XPO5: variants seen among roughly 807,000 people sequenced by gnomAD.
XPO5 encodes the protein exportin-5.
XPO5 carries 46 observed loss-of-function variants against 160.6 expected under a neutral mutation model. The ratio of observed to expected loss-of-function variants is 0.29; its 90% confidence interval spans 0.23 to 0.37. XPO5 has a LOEUF of 0.37. Ranked by LOEUF, XPO5 falls within the 10% of genes least tolerant of loss-of-function variation. The pLI is 1.00. For synonymous variants in XPO5, 537 were observed against 519.3 expected (o/e 1.03, Z -0.46); for missense variants, 1,090 against 1,463.9 (o/e 0.74, Z 4.17).
chr6:43,567,132 G>A lies in XPO5; in HGVS notation c.834+37C>T, dbSNP rs78170909. ...TTAAACACATACACAGCCTACTTCA[G>A]AGACTGAGGATAAGTCAGTTTGAAG... On this transcript the variant is annotated intron_variant, in intron 7 of 31. Coordinates refer to ENST00000265351, the MANE Select transcript of XPO5 (RefSeq NM_020750.3). The A allele has an allele frequency of 0.038, 59,912 of 1,577,454 alleles. 1,605 individuals are homozygous for A. Among genetic ancestry groups the A allele is most frequent in the African/African-American group, 0.11 (8,249 of 74,004 alleles).
chr6:43,575,353 GGA>G (rs1376952307), intron 1 of XPO5, among the ~76,000 whole-genome samples: 1 of 152,284 alleles, frequency 6.6e-6, no homozygotes, highest in Non-Finnish European at 1.5e-5. Flanking sequence ...GTTTAGTGCA[GGA>G]GAGACCATAA....
intron 23 of XPO5, chr6:43,529,402 AAATT>A (rs1469949964): frequency 3.2e-5 from 12 of 369,552 alleles, no homozygotes; most frequent in Non-Finnish European, 5.6e-5. Flanking sequence ...AAAAAAAAAA[AAATT>A]AGTCGGGCAT....
At chr6:43,575,176 T>TA (rs1423811758) in intron 1 of XPO5, among the ~76,000 whole-genome samples, 1 of 152,128 alleles carries the variant, frequency 6.6e-6, no homozygotes, top group Non-Finnish European at 1.5e-5. Flanking sequence ...CAAAATAGCC[T>TA]AAAAATATTA....
In XPO5 at chr6:43,546,688, T is replaced by G; in HGVS notation, c.2225A>C (p.Glu742Ala). The G allele has an allele frequency of 6.2e-7, 1 of 1,613,386 alleles. No homozygotes were observed. Among genetic ancestry groups the G allele is most frequent in the Non-Finnish European group, 8.5e-7 (1 of 1,179,650 alleles). The change falls in exon 20 of 32, where the codon GAA becomes GCA. Residue 742 changes from glutamate (E) to alanine (A), a missense_variant. Transcript: ENST00000265351. Reference protein sequence around the residue: ...VKRTCWPTDLEEAKAGGFVVG... With the variant: ...VKRTCWPTDLAEAKAGGFVVG... ...CACAAATCCCCCAGCTTTGGCCTCTTCTAGGTCAGTGGGCCAGCAAGTTCG... is the reference window on the plus strand; with the variant it reads ...CACAAATCCCCCAGCTTTGGCCTCTGCTAGGTCAGTGGGCCAGCAAGTTCG...
chr6:43,545,476 G>A (rs1794918378), intron 20 of XPO5, among the ~76,000 whole-genome samples: 1 of 152,108 alleles, frequency 6.6e-6, no homozygotes, highest in Admixed American at 6.5e-5. Context: ...GGAGGCCGAG[G>A]TGGACTGATC....
In XPO5 at chr6:43,527,246, T is replaced by G. The variant is rs2127701358; in HGVS notation, c.2920+388A>C. 2 of 200,368 alleles carry G rather than the reference T, an allele frequency of 1.0e-5. 1 individual carries two copies. The highest frequency in any genetic ancestry group is 2.1e-5 in the Non-Finnish European group (2 of 96,748). 12.4% of individuals were successfully genotyped at this position (200,368 alleles called of 1,614,324 possible). A position where few individuals can be genotyped will look rare whatever the true frequency, so the allele number is the denominator to read the frequency against. On this transcript the variant is annotated intron_variant, in intron 26 of 31. Transcript: ENST00000265351. ...ACTGCCTTGCTTCTATCTAGTTATT[T>G]CTTTTGGATCTGTCAGTGTTGCTAC...
At chr6:43,543,852 T>C (rs926681813) in intron 20 of XPO5, among the ~76,000 whole-genome samples, 4 of 152,066 alleles carry the variant, frequency 2.6e-5, no homozygotes, top group Non-Finnish European at 5.9e-5. Flanking sequence ...AATTTTTGTA[T>C]TTTTAGTAGA....
rs11324075 is a variant in XPO5 at position 43,545,723 on chromosome 6, C to CA, written c.2342+847dup. Among the ~76,000 whole-genome samples, 311 of 147,602 alleles carry CA rather than the reference C, an allele frequency of 2.1e-3. 1 individual carries two copies. The highest frequency in any genetic ancestry group is 0.018 in the Middle Eastern group (5 of 284). On this transcript the variant is annotated intron_variant, in intron 20 of 31. Coordinates refer to ENST00000265351, the MANE Select transcript of XPO5 (RefSeq NM_020750.3). ...ACTCTGTCTCAAAAAAACAAACAAA[C>CA]AAAAAAAAAACCAATCCTGTGAGAT...
intron 8 of XPO5, among the ~76,000 whole-genome samples, chr6:43,564,826 A>G (rs902753690): frequency 4.6e-5 from 7 of 151,974 alleles, no homozygotes; most frequent in African/African-American, 1.7e-4. Context: ...GTTGGTCTCA[A>G]ACTCCTGACT....
intron 20 of XPO5, among the ~76,000 whole-genome samples, chr6:43,544,997 C>T (rs1237168735): frequency 1.3e-5 from 2 of 152,070 alleles, no homozygotes; most frequent in Non-Finnish European, 1.5e-5. Flanking sequence ...CTCAGCCTCT[C>T]GAGTAGCTGG....
chr6:43,554,266 C>T (rs578124399), intron 13 of XPO5, among the ~76,000 whole-genome samples: 36 of 151,860 alleles, frequency 2.4e-4, no homozygotes, highest in Middle Eastern at 3.4e-3. Flanking sequence ...CCACCATGCC[C>T]GGCTAATTTT....
At chr6:43,526,548 A>C in intron 27 of XPO5, 137 bp downstream of exon 27, 5 of 947,314 alleles carry the variant, frequency 5.3e-6, no homozygotes, top group Non-Finnish European at 8.2e-6. Flanking sequence ...GCACACAGCA[A>C]GAGGGCTGGT....
Position 43,565,709 on chromosome 6 carries a change from T to C in XPO5, c.862A>G (p.Met288Val), listed in dbSNP as rs760908776. ...ATGGCAACATCTCCAAATAAGACCA[T>C]CAAGGGCTTCCGGTCTTCCAACTTG... The part of the protein sequence containing the change: ...KGKLEDRKPL[M>V]VLFGDVAMHY... The change falls in exon 8 of 32, where the codon ATG (methionine) becomes GTG (valine). Residue 288 changes from methionine (M) to valine (V), a missense_variant. By Grantham distance (21) the Met-to-Val change is conservative. This residue lies in a region of XPO5 where 810 missense variants were observed against 1,139.0 expected (regional missense o/e 0.71). Coordinates refer to ENST00000265351, the MANE Select transcript of XPO5 (RefSeq NM_020750.3). 5.0e-6 allele frequency: 8 copies of C among 1,609,724 alleles called. No homozygotes were observed. Among genetic ancestry groups the C allele is most frequent in the East Asian group, 2.2e-5 (1 of 44,822 alleles).
chr6:43,575,659 G>T (rs372701151), intron 1 of XPO5, 101 bp downstream of exon 1: 1 of 1,083,070 alleles, frequency 9.2e-7, no homozygotes, highest in Non-Finnish European at 1.4e-6. Flanking sequence ...AGGTCCAGGG[G>T]CCGCGTGGGC....
At position 43,565,682 on chromosome 6, in the gene XPO5, G is replaced by C; in HGVS notation, c.889C>G (p.His297Asp). 1 of 1,609,546 alleles carries C rather than the reference G, an allele frequency of 6.2e-7. No homozygotes were observed. Among genetic ancestry groups the C allele is most frequent in the South Asian group, 1.1e-5 (1 of 89,788 alleles). Residue 297 changes from histidine to aspartate, a missense_variant, in exon 8 of 32, where the codon CAT becomes GAT. Physicochemically the swap from His to Asp is moderately conservative, Grantham distance 81 (BLOSUM62 -1). Transcript: ENST00000265351. The part of the protein sequence containing the change: ...LMVLFGDVAM[H>D]YILSAAQTAD... ...CACTGTGCGGCGGAGAGTATATAAT[G>C]CATGGCAACATCTCCAAATAAGACC...
rs1795027058 is a variant in XPO5 at position 43,547,693 on chromosome 6, A to G, written c.2075T>C (p.Val692Ala). 1 of 1,613,860 alleles carries G rather than the reference A, an allele frequency of 6.2e-7. No individual in the cohort carries two copies. Among genetic ancestry groups the G allele is most frequent in the African/African-American group, 1.3e-5 (1 of 74,920 alleles). ...ACCCACATACGCAATGAAAGCATCAACATCTGACAGCACTCTGAAGGTTGG... is the reference window on the plus strand; with the variant it reads ...ACCCACATACGCAATGAAAGCATCAGCATCTGACAGCACTCTGAAGGTTGG... ...SQDMHRVLSD[V>A]DAFIAYVGTD... The change falls in exon 19 of 32, where the codon GTT becomes GCT. Residue 692 changes from valine to alanine, a missense_variant. Coordinates refer to ENST00000265351, the MANE Select transcript of XPO5 (RefSeq NM_020750.3).
At chr6:43,568,936 A>T (rs1762845309) in intron 5 of XPO5, among the ~76,000 whole-genome samples, 199 bp from the exon 6 acceptor site, 1 of 152,274 alleles carries the variant, frequency 6.6e-6, no homozygotes, top group Non-Finnish European at 1.5e-5. Context: ...AAGCATAATT[A>T]AATGAATACA....
chr6:43,531,458 G>C (rs1482586933), intron 22 of XPO5, 21 bp downstream of exon 22: 18 of 1,595,606 alleles, frequency 1.1e-5, no homozygotes, highest in Non-Finnish European at 1.5e-5. Flanking sequence ...AAAATATGGA[G>C]AGGCAGCATT....
rs1415521964 is a variant in XPO5, at chr6:43,546,654, A to G, written c.2259T>C (p.Tyr753=). Residue 753 remains tyrosine, a synonymous_variant, in exon 20 of 32, where the codon TAT becomes TAC. Coordinates refer to ENST00000265351, the MANE Select transcript of XPO5 (RefSeq NM_020750.3). The part of the protein sequence containing the change: ...EAKAGGFVVG[Y]TSSGNPIFRN... ...GGAAGATTGGATTTCCACTGGATGT[A>G]TAACCCACCACAAATCCCCCAGCTT... 1.4e-5 allele frequency: 23 copies of G among 1,613,918 alleles called. No homozygotes were observed. Among genetic ancestry groups the G allele is most frequent in the Non-Finnish European group, 1.9e-5 (23 of 1,179,858 alleles).
Sources: gnomAD v4.1 joint callset for allele counts (sites outside exome capture counted in the v4.1 genomes callset) on GRCh38, gnomAD v4.1.1 for gene constraint, gnomAD v4.1.1 regional missense constraint, MANE v1.5 for transcripts, NCBI Gene and HGNC (gene_info 2026-07-23, HGNC 2026-07-21) for gene names.